Variants in CRTC1 observed in about 807,000 individuals in gnomAD.
The protein encoded by CRTC1 is CREB regulated transcription coactivator 1.
CRTC1 carries 18 observed loss-of-function variants against 66.1 expected under a neutral mutation model. The ratio of observed to expected loss-of-function variants is 0.27; its 90% CI spans 0.19 to 0.40. CRTC1 has a LOEUF of 0.40. CRTC1 is among the 10% of genes least tolerant of loss of function. The pLI is 1.00. For synonymous variants in CRTC1, 416 were observed against 398.8 expected, an observed-to-expected ratio of 1.04 and a Z score of -0.51; for missense variants, 669 against 887.9, an observed-to-expected ratio of 0.75 and a Z score of 3.13.
At chr19:18,730,108 C>T (rs1291682872) in intron 1 of CRTC1, among the ~76,000 whole-genome samples, 4 of 152,194 alleles carry the variant, frequency 2.6e-5, no homozygotes, top group East Asian at 1.9e-4. Context: ...CAAGGCCGGC[C>T]GTGGCTTCTG....
chr19:18,715,750 C>T lies in CRTC1; in HGVS notation c.127-27160C>T, dbSNP rs550539565. On this transcript the variant is annotated intron_variant, in intron 1 of 13. Coordinates refer to ENST00000321949, the MANE Select transcript of CRTC1 (RefSeq NM_015321.3). ...ATCTTGGAACCAAGTGCTGTTTGCA[C>T]GTGCAGGTGGGCTCCCAGGCAGGGG... Among the ~76,000 whole-genome samples, 26 of 152,362 alleles carry T rather than the reference C, an allele frequency of 1.7e-4. 1 individual carries two copies. In the South Asian group the frequency reaches 3.7e-3, roughly 22 times the overall value.
intron 1 of CRTC1, among the ~76,000 whole-genome samples, chr19:18,734,193 TG>T (rs1489239522): frequency 6.6e-6 from 1 of 151,712 alleles, no homozygotes; most frequent in Non-Finnish European, 1.5e-5. Flanking sequence ...GGGGAGTGAC[TG>T]CTGATGGGGA....
chr19:18,695,577 T>G (rs1446644982), intron 1 of CRTC1, among the ~76,000 whole-genome samples: 1 of 151,976 alleles, frequency 6.6e-6, no homozygotes, highest in Non-Finnish European at 1.5e-5. Context: ...AACACTACAG[T>G]ACACACGGCC....
At chr19:18,772,185 T>G in intron 11 of CRTC1, among the ~76,000 whole-genome samples, 1 of 152,076 alleles carries the variant, frequency 6.6e-6, no homozygotes, top group African/African-American at 2.4e-5. Flanking sequence ...CCCCAGCCAC[T>G]CCAAGGTTCA....
At chr19:18,723,568 C>T (rs1315023463) in intron 1 of CRTC1, among the ~76,000 whole-genome samples, 1 of 152,232 alleles carries the variant, frequency 6.6e-6, no homozygotes, top group East Asian at 1.9e-4. Context: ...GTGGCCAAGG[C>T]CAGTTCACCG....
At chr19:18,687,393 AG>A (rs2052709854) in intron 1 of CRTC1, among the ~76,000 whole-genome samples, 1 of 152,166 alleles carries the variant, frequency 6.6e-6, no homozygotes, top group African/African-American at 2.4e-5. Flanking sequence ...GCACCTGGTC[AG>A]GTAGAGTTCC....
At position 18,768,039 on chromosome 19, in the gene CRTC1, C is replaced by T. The variant is rs1287219846; in HGVS notation, c.1012-446C>T. Among the ~76,000 whole-genome samples, 1 of 152,188 alleles carries T rather than the reference C, an allele frequency of 6.6e-6. No homozygotes were observed. The highest frequency in any genetic ancestry group is 2.4e-5 in the African/African-American group (1 of 41,444). On this transcript the variant is annotated intron_variant, in intron 9 of 13. Transcript: ENST00000321949. This position sits in a 1 kb window ranked among gnomAD's most constrained non-coding sequence, Gnocchi z 5.6. The stretch of plus-strand genomic sequence containing the variant: ...GCCATGCTGGTATCTCCAGCAACCC[C>T]AGCCTCTCCAGCATCCCCAGAGTGG...
chr19:18,737,607 C>G (rs2054025672), intron 1 of CRTC1, among the ~76,000 whole-genome samples: 1 of 152,108 alleles, frequency 6.6e-6, no homozygotes, highest in Non-Finnish European at 1.5e-5. Flanking sequence ...ACTCCTGGAA[C>G]CTGGGAAGGT....
At chr19:18,710,604 T>A (rs925779424) in intron 1 of CRTC1, among the ~76,000 whole-genome samples, 2 of 152,086 alleles carry the variant, frequency 1.3e-5, no homozygotes, top group Non-Finnish European at 2.9e-5. Flanking sequence ...TACATTTATT[T>A]TTTATTTATT....
chr19:18,738,796 G>T (rs35771004), intron 1 of CRTC1, among the ~76,000 whole-genome samples: 7,029 of 151,808 alleles, frequency 0.046, 238 homozygotes, highest in Non-Finnish European at 0.069. Context: ...GGGAGACTCC[G>T]TCTCAAAACA....
chr19:18,716,341 C>T (rs2053507119), intron 1 of CRTC1, among the ~76,000 whole-genome samples: 1 of 152,076 alleles, frequency 6.6e-6, no homozygotes, highest in Non-Finnish European at 1.5e-5. Flanking sequence ...CAGTCTCCAC[C>T]TCCCAGGTTC....
Position 18,780,320 on chromosome 19 carries a change from AG to A in CRTC1, c.*2939del, listed in dbSNP as rs1443473374. 1 of 231,648 alleles carries A rather than the reference AG, an allele frequency of 4.3e-6. No individual in the cohort carries two copies. Among genetic ancestry groups the A allele is most frequent in the Non-Finnish European group, 8.5e-6 (1 of 117,200 alleles). 14.3% of individuals were successfully genotyped at this position (231,648 alleles called of 1,614,324 possible). A position where few individuals can be genotyped will look rare whatever the true frequency, so the allele number is the denominator to read the frequency against. On this transcript the variant is annotated 3_prime_UTR_variant, in exon 14 of 14. Transcript: ENST00000321949. ...TTCAGCCAGGGCTCTCCCTCCTGAG[AG>A]CATGGCGTCCCCACCTTCCTGTTTC...
intron 1 of CRTC1, among the ~76,000 whole-genome samples, chr19:18,725,984 A>C (rs1283617560): frequency 6.6e-6 from 1 of 152,186 alleles, no homozygotes; most frequent in Non-Finnish European, 1.5e-5. Flanking sequence ...GCAGATCTGC[A>C]GTAAAGATGT....
At chr19:18,695,226 C>G (rs745588104) in intron 1 of CRTC1, among the ~76,000 whole-genome samples, 3 of 151,870 alleles carry the variant, frequency 2.0e-5, no homozygotes, top group Non-Finnish European at 4.4e-5. Flanking sequence ...AGGCCGGTCT[C>G]GAACTCCTGG....
At chr19:18,742,704 C>T (rs2054137493) in intron 1 of CRTC1, among the ~76,000 whole-genome samples, 1 of 152,208 alleles carries the variant, frequency 6.6e-6, no homozygotes, top group African/African-American at 2.4e-5. Flanking sequence ...CCTGGGGAGC[C>T]GTCCCGGCAC....
intron 2 of CRTC1, among the ~76,000 whole-genome samples, 189 bp from the exon 3 acceptor site, chr19:18,745,634 C>G (rs1366368572): frequency 6.6e-6 from 1 of 152,182 alleles, no homozygotes; most frequent in East Asian, 1.9e-4. Context: ...CCCCTCCCTA[C>G]CCCCCAGTGC....
At chr19:18,698,010 G>A (rs1280207385) in intron 1 of CRTC1, among the ~76,000 whole-genome samples, 1 of 152,152 alleles carries the variant, frequency 6.6e-6, no homozygotes, top group Admixed American at 6.5e-5. Context: ...TGCTCAGCAG[G>A]CTTACAGTGT....
intron 1 of CRTC1, among the ~76,000 whole-genome samples, chr19:18,720,834 C>T (rs2053610230): frequency 2.0e-5 from 3 of 147,592 alleles, no homozygotes; most frequent in South Asian, 4.3e-4. Context: ...TCTCTCTGCT[C>T]ATGTACACTA....
At chr19:18,731,924 A>G (rs1443716918) in intron 1 of CRTC1, among the ~76,000 whole-genome samples, 3 of 151,832 alleles carry the variant, frequency 2.0e-5, no homozygotes, top group Admixed American at 2.0e-4. Flanking sequence ...CCCACCCTGC[A>G]CCCCGGGGGC....
Sources: gnomAD v4.1 joint callset for allele counts (sites outside exome capture counted in the v4.1 genomes callset) on GRCh38, gnomAD v4.1.1 for gene constraint, Gnocchi (gnomAD v3.1) non-coding constraint, MANE v1.5 for transcripts, NCBI Gene and HGNC (gene_info 2026-07-23, HGNC 2026-07-21) for gene names.